VIPR2: variants seen among roughly 807,000 people sequenced by gnomAD.
VIPR2 encodes the protein vasoactive intestinal polypeptide receptor 2.
A neutral mutation model predicts 58.0 loss-of-function variants in VIPR2; 48 were observed. The ratio of observed to expected loss-of-function variants is 0.83; its 90% CI spans 0.66 to 1.05. VIPR2 has a LOEUF of 1.05. Ranked by LOEUF, VIPR2 falls within the 50% of genes least tolerant of loss-of-function variation. VIPR2 has a pLI of 0.00. For missense variants in VIPR2, 534 were observed against 558.0 expected, an observed-to-expected ratio of 0.96 and a Z score of 0.43; for synonymous variants, 243 against 235.2, an observed-to-expected ratio of 1.03 and a Z score of -0.30.
chr7:159,128,745 G>C lies in VIPR2; in HGVS notation c.151+13701C>G, dbSNP rs1796750236. On this transcript the variant is annotated intron_variant, in intron 2 of 12. Transcript: ENST00000262178. The surrounding 1 kb of genome is among the most constrained non-coding windows in gnomAD (Gnocchi z 4.1). ...TCCTTCCAGAAATGACGGCTCCATGGACCTTCCTGAAACACAGCTCACATG... is the reference window on the plus strand; with the variant it reads ...TCCTTCCAGAAATGACGGCTCCATGCACCTTCCTGAAACACAGCTCACATG... Among the ~76,000 whole-genome samples the C allele has an allele frequency of 6.6e-6, 1 of 152,136 alleles. No individual in the cohort carries two copies. Among genetic ancestry groups the C allele is most frequent in the Non-Finnish European group, 1.5e-5 (1 of 68,018 alleles).
At chr7:159,041,638 A>AT (rs1425761484) in intron 6 of VIPR2, among the ~76,000 whole-genome samples, 183 of 113,656 alleles carry the variant, frequency 1.6e-3, no homozygotes, top group Middle Eastern at 8.7e-3. Flanking sequence ...AGGGTCCGTC[A>AT]GGGTCCTGAG....
chr7:159,091,412 C>G (rs903117213), intron 4 of VIPR2, among the ~76,000 whole-genome samples: 4 of 152,212 alleles, frequency 2.6e-5, no homozygotes, highest in Non-Finnish European at 4.4e-5. Flanking sequence ...ATGCAGAGTT[C>G]AGCATGGTGC....
chr7:159,053,566 T>C (rs1356184565), intron 5 of VIPR2, among the ~76,000 whole-genome samples: 1 of 152,060 alleles, frequency 6.6e-6, no homozygotes, highest in Non-Finnish European at 1.5e-5. Flanking sequence ...TTGAGAGAAA[T>C]GGTCTTGCTC....
Position 159,098,002 on chromosome 7 carries a change from GCA to G in VIPR2, c.357+5753_357+5754del, listed in dbSNP as rs1340475524. Among the ~76,000 whole-genome samples, 2 of 152,156 alleles carry G rather than the reference GCA, an allele frequency of 1.3e-5. No individual in the cohort carries two copies. Among genetic ancestry groups the G allele is most frequent in the Non-Finnish European group, 2.9e-5 (2 of 68,014 alleles). On this transcript the variant is annotated intron_variant, in intron 4 of 12. Transcript: ENST00000262178. The surrounding 1 kb of genome is among the most constrained non-coding windows in gnomAD (Gnocchi z 5.2). ...ACACAGACCCACTGGGCCAGAGCCC[GCA>G]CCACGATCAGTCCCAGGAGCTCCTC...
intron 3 of VIPR2, among the ~76,000 whole-genome samples, chr7:159,107,022 G>C (rs115370278): frequency 2.0e-5 from 3 of 152,102 alleles, no homozygotes; most frequent in Admixed American, 1.3e-4. Context: ...GAAAGGTTGT[G>C]GGGGGTGGGA....
intron 4 of VIPR2, among the ~76,000 whole-genome samples, chr7:159,102,855 A>G (rs1858384111): frequency 6.6e-6 from 1 of 152,230 alleles, no homozygotes; most frequent in African/African-American, 2.4e-5. Context: ...AGCAGCCTCC[A>G]ATGTATCCCC....
intron 8 of VIPR2, 27 bp from the exon 9 acceptor site, chr7:159,034,677 TTA>T (rs763019054): frequency 6.2e-7 from 1 of 1,607,548 alleles, no homozygotes; most frequent in South Asian, 1.1e-5. Flanking sequence ...GGAAATCAGG[TTA>T]CCACCAACCA....
In VIPR2 at chr7:159,096,724, T is replaced by A; in HGVS notation, c.357+7033A>T. 7.3e-7 allele frequency: 1 copy of A among 1,378,020 alleles called. No individual in the cohort carries two copies. The highest frequency in any genetic ancestry group is 9.4e-7 in the Non-Finnish European group (1 of 1,058,248). 85.4% of individuals were successfully genotyped at this position (1,378,020 alleles called of 1,614,324 possible). ...AAGTGCTCATAATCCTGTCTGGTTG[T>A]GCCAGGTGACAGCTGAATGATTTCT... On this transcript the variant is annotated intron_variant, in intron 4 of 12. Transcript: ENST00000262178. This position sits in a 1 kb window ranked among gnomAD's most constrained non-coding sequence, Gnocchi z 5.5.
intron 2 of VIPR2, among the ~76,000 whole-genome samples, chr7:159,110,238 C>T (rs936521884): frequency 1.3e-5 from 2 of 152,154 alleles, no homozygotes; most frequent in African/African-American, 4.8e-5. Context: ...AGTGTAAGGC[C>T]CCGTCGGGGA....
Position 159,031,462 on chromosome 7 carries a change from C to G in VIPR2, c.1143+366G>C. The G allele has an allele frequency of 1.0e-6, 1 of 985,388 alleles. No individual in the cohort carries two copies. Among genetic ancestry groups the G allele is most frequent in the Non-Finnish European group, 1.2e-6 (1 of 829,902 alleles). 61.0% of individuals were successfully genotyped at this position (985,388 alleles called of 1,614,324 possible). ...TCACAGGACGCTGTGCAGCCCCACC[C>G]CCCAACCCAGGCCCGGCTTTCTGGG... On this transcript the variant is annotated intron_variant, in intron 12 of 12. Coordinates refer to ENST00000262178, the MANE Select transcript of VIPR2 (RefSeq NM_003382.5). This position sits in a 1 kb window ranked among gnomAD's most constrained non-coding sequence, Gnocchi z 4.0.
intron 2 of VIPR2, among the ~76,000 whole-genome samples, chr7:159,118,750 C>T (rs1443255247): frequency 6.6e-6 from 1 of 152,208 alleles, no homozygotes; most frequent in East Asian, 1.9e-4. Flanking sequence ...CGTGGTGATT[C>T]TTTGTATAAA....
chr7:159,106,664 G>A (rs1858681835), intron 3 of VIPR2, among the ~76,000 whole-genome samples: 1 of 135,984 alleles, frequency 7.4e-6, no homozygotes, highest in Non-Finnish European at 1.6e-5. Context: ...GGCCAGGGAG[G>A]GGCAGAGAGG....
chr7:159,071,408 C>T (rs1461269559), intron 4 of VIPR2, among the ~76,000 whole-genome samples: 1 of 152,152 alleles, frequency 6.6e-6, no homozygotes, highest in Admixed American at 6.6e-5. Context: ...AGTGCCTGTC[C>T]CCATTTGGGG....
At chr7:159,134,597 T>TA (rs891213367) in intron 2 of VIPR2, among the ~76,000 whole-genome samples, 3 of 151,946 alleles carry the variant, frequency 2.0e-5, no homozygotes, top group Admixed American at 6.6e-5. Context: ...AAGTTTTTGT[T>TA]AAAAAAAGCT....
At chr7:159,035,760 G>A in intron 8 of VIPR2, 192 bp downstream of exon 8, 1 of 985,384 alleles carries the variant, frequency 1.0e-6, no homozygotes, top group Non-Finnish European at 1.2e-6. Context: ...CTCCTGCACG[G>A]GGCTTCCTCC....
intron 4 of VIPR2, among the ~76,000 whole-genome samples, chr7:159,091,742 C>T (rs192144174): frequency 1.3e-3 from 198 of 152,302 alleles, no homozygotes; most frequent in African/African-American, 4.5e-3. Flanking sequence ...CTCAGAGCTG[C>T]GGCTGGGAGC....
intron 2 of VIPR2, among the ~76,000 whole-genome samples, chr7:159,122,714 CAG>C (rs1796500631): frequency 9.0e-6 from 1 of 110,820 alleles, no homozygotes; most frequent in Non-Finnish European, 2.1e-5. Context: ...GCAGATGTAA[CAG>C]AGTTTGTAGA....
rs1797621371 is a variant in VIPR2 at position 159,144,712 on chromosome 7, C to CGCACTCACGGGG, written c.48_51+8dup. On this transcript the variant is annotated intron_variant, in intron 1 of 12. Coordinates refer to ENST00000262178, the MANE Select transcript of VIPR2 (RefSeq NM_003382.5). ...GGCGCCGTGGGGCGGGGGTCGCGGG[C>CGCACTCACGGGG]GCACTCACGGGGGCGAGCAGCCAGC... is the stretch of plus-strand genomic sequence containing the variant. The CGCACTCACGGGG allele has an allele frequency of 7.5e-7, 1 of 1,328,432 alleles. No homozygotes were observed. Among genetic ancestry groups the CGCACTCACGGGG allele is most frequent in the African/African-American group, 1.5e-5 (1 of 64,770 alleles). The allele number at this position is 1,328,432 out of a possible 1,614,324, so 82.3% of individuals were successfully genotyped here.
chr7:159,065,021 G>A (rs572718510), intron 4 of VIPR2, among the ~76,000 whole-genome samples: 1 of 152,172 alleles, frequency 6.6e-6, no homozygotes, highest in Non-Finnish European at 1.5e-5. Flanking sequence ...TGGAGCCATG[G>A]CGGGCCCACT....
Sources: gnomAD v4.1 joint callset for allele counts (sites outside exome capture counted in the v4.1 genomes callset) on GRCh38, gnomAD v4.1.1 for gene constraint, Gnocchi (gnomAD v3.1) non-coding constraint, MANE v1.5 for transcripts, NCBI Gene and HGNC (gene_info 2026-07-23, HGNC 2026-07-21) for gene names.